Variants in TENM3 observed in about 807,000 individuals in gnomAD.
The protein encoded by TENM3 is teneurin-3.
Under a neutral mutation model 255.1 loss-of-function variants are expected in TENM3, and 63 were observed. The ratio of observed to expected loss-of-function variants is 0.25; its 90% confidence interval spans 0.20 to 0.30. The LOEUF is 0.30. Among genes scored for constraint, TENM3 ranks in the 10% least tolerant of loss-of-function variants. TENM3 has a pLI of 1.00. For missense variants in TENM3, 2,929 were observed against 3,461.1 expected, an observed-to-expected ratio of 0.85 and a Z score of 3.86; for synonymous variants, 1,306 against 1,322.3, an observed-to-expected ratio of 0.99 and a Z score of 0.27.
At chr4:181,767,031 T>A in the TENM3 span, among the ~76,000 whole-genome samples, 3 of 146,432 alleles carry the variant, frequency 2.0e-5, no homozygotes, top group African/African-American at 7.6e-5. Flanking sequence ...GGCGGGCGGA[T>A]CACGAGGTCA....
At chr4:181,883,208 G>A in the TENM3 span, among the ~76,000 whole-genome samples, 2 of 135,648 alleles carry the variant, frequency 1.5e-5, no homozygotes, top group Admixed American at 8.6e-5. Context: ...TACTCTGACC[G>A]AATTGTAAAC....
intron 22 of TENM3, among the ~76,000 whole-genome samples, chr4:182,763,500 G>A (rs903092893): frequency 6.6e-6 from 1 of 151,980 alleles, no homozygotes; most frequent in Admixed American, 6.6e-5. Flanking sequence ...AGGAGTTGGA[G>A]CTTGCAGTGA....
Position 182,174,889 on chromosome 4 carries a change from A to G in TENM3, c.-76+30135A>G, listed in dbSNP as rs1389817710. Among the ~76,000 whole-genome samples, 142 of 152,096 alleles carry G rather than the reference A, an allele frequency of 9.3e-4. 3 individuals carry two copies. Among genetic ancestry groups the G allele is most frequent in the Admixed American group, 9.3e-3 (142 of 15,268 alleles). On this transcript the variant is annotated intron_variant, in intron 1 of 2. Coordinates refer to the TENM3 transcript ENST00000512480. ...TTATTTCACTCATTTTCATTTTTTA[A>G]TTCCTTTTTTAAAGAAAAGTTTTAT...
At chr4:182,015,680 C>G in the TENM3 span, among the ~76,000 whole-genome samples, 1 of 152,200 alleles carries the variant, frequency 6.6e-6, no homozygotes, top group South Asian at 2.1e-4. Context: ...CCTGCCTCAG[C>G]CTCCTGAGTA....
At chr4:182,314,176 C>T (rs999100600) in intron 1 of TENM3, among the ~76,000 whole-genome samples, 4 of 152,076 alleles carry the variant, frequency 2.6e-5, no homozygotes, top group African/African-American at 9.7e-5. Flanking sequence ...TGGCAAGCGC[C>T]TGTAGTCCCA....
At chr4:182,065,509 T>A in the TENM3 span, among the ~76,000 whole-genome samples, 18 of 151,676 alleles carry the variant, frequency 1.2e-4, no homozygotes, top group African/African-American at 3.9e-4. Flanking sequence ...AGGGAGGAGG[T>A]GCTACACACT....
intron 1 of TENM3, among the ~76,000 whole-genome samples, chr4:182,219,179 G>A (rs899181102): frequency 4.6e-5 from 7 of 152,132 alleles, no homozygotes; most frequent in South Asian, 2.1e-4. Context: ...TCGAAATCAC[G>A]CCACTGCCCT....
intron 3 of TENM3, among the ~76,000 whole-genome samples, chr4:182,580,881 C>T (rs1186211882): frequency 1.3e-5 from 2 of 152,194 alleles, no homozygotes; most frequent in East Asian, 3.8e-4. Context: ...TGGATTTCAA[C>T]AATATCCATT....
intron 3 of TENM3, among the ~76,000 whole-genome samples, chr4:182,397,236 A>T (rs1180741837): frequency 2.5e-5 from 1 of 39,410 alleles, no homozygotes. Flanking sequence ...TTTTTAACAT[A>T]AAAAAAAAAA....
At chr4:182,294,241 G>A (rs1761317909) in intron 1 of TENM3, among the ~76,000 whole-genome samples, 4 of 152,116 alleles carry the variant, frequency 2.6e-5, no homozygotes, top group East Asian at 1.9e-4. Flanking sequence ...TGCGAGATTC[G>A]TGAGGTGGAG....
At chr4:182,447,198 TAGAC>T (rs1772993516) in intron 3 of TENM3, among the ~76,000 whole-genome samples, 1 of 151,912 alleles carries the variant, frequency 6.6e-6, no homozygotes, top group African/African-American at 2.4e-5. Flanking sequence ...AACGGAGGAA[TAGAC>T]AGGCTGGTTG....
At chr4:182,699,686 TGA>T (rs1186330110) in intron 12 of TENM3, among the ~76,000 whole-genome samples, 5 of 152,310 alleles carry the variant, frequency 3.3e-5, no homozygotes, top group Non-Finnish European at 5.9e-5. Context: ...AAAAGTTTAT[TGA>T]GAGACATGTT....
the TENM3 span, among the ~76,000 whole-genome samples, chr4:182,011,129 C>T: frequency 4.6e-5 from 7 of 152,192 alleles, no homozygotes; most frequent in African/African-American, 1.7e-4. Context: ...TATCTCCAGC[C>T]CTGACCTTTT....
At chr4:181,674,977 C>T in the TENM3 span, among the ~76,000 whole-genome samples, 1 of 152,010 alleles carries the variant, frequency 6.6e-6, no homozygotes, top group African/African-American at 2.4e-5. Flanking sequence ...CATTCCAACA[C>T]CTAGTTCAGT....
Position 182,784,920 on chromosome 4 carries a change from C to T in TENM3, c.5305-4173C>T, listed in dbSNP as rs899724393. On this transcript the variant is annotated intron_variant, in intron 24 of 27. Coordinates refer to ENST00000511685, the MANE Select transcript of TENM3 (RefSeq NM_001080477.4). ...GCCTCGCCCTGCTTCGGCTCGCGCA[C>T]GGTGCGCGCACCCACTGACCTGCGC... Among the ~76,000 whole-genome samples, 377 of 152,260 alleles carry T rather than the reference C, an allele frequency of 2.5e-3. 1 individual carries two copies. The highest frequency in any genetic ancestry group is 8.1e-3 in the African/African-American group (337 of 41,550).
At chr4:182,353,906 A>G (rs1765353429) in intron 3 of TENM3, among the ~76,000 whole-genome samples, 2 of 151,960 alleles carry the variant, frequency 1.3e-5, no homozygotes, top group South Asian at 4.2e-4. Flanking sequence ...TGGAGGTTGC[A>G]GTGAGCCGAG....
At chr4:181,575,536 A>G in the TENM3 span, among the ~76,000 whole-genome samples, 1 of 152,206 alleles carries the variant, frequency 6.6e-6, no homozygotes, top group Non-Finnish European at 1.5e-5. Context: ...TTTTCTTTCT[A>G]GCATCTTCTG....
At chr4:182,325,923 C>T (rs1266437141) in intron 2 of TENM3, among the ~76,000 whole-genome samples, 1 of 152,172 alleles carries the variant, frequency 6.6e-6, no homozygotes, top group East Asian at 1.9e-4. Flanking sequence ...AAATAGCGCA[C>T]TGAACTGTTC....
chr4:181,778,303 A>G, the TENM3 span, among the ~76,000 whole-genome samples: 1 of 152,164 alleles, frequency 6.6e-6, no homozygotes, highest in Non-Finnish European at 1.5e-5. Context: ...CTTAGTTTAT[A>G]TCAAGATTCA....
Sources: gnomAD v4.1 joint callset for allele counts (sites outside exome capture counted in the v4.1 genomes callset) on GRCh38, gnomAD v4.1.1 for gene constraint, MANE v1.5 for transcripts, NCBI Gene and HGNC (gene_info 2026-07-23, HGNC 2026-07-21) for gene names.